The following FPR3 variants were observed in gnomAD, a reference collection of about 807,000 sequenced individuals.
FPR3 encodes N-formyl peptide receptor 3.
For synonymous variants in FPR3, 135 were observed against 163.6 expected (o/e 0.83, Z 1.34); for missense variants, 346 against 443.2 (o/e 0.78, Z 1.97).
At chr19:51,807,222 G>T (rs1941214383) in intron 1 of FPR3, among the ~76,000 whole-genome samples, 2 of 152,264 alleles carry the variant, frequency 1.3e-5, no homozygotes, top group South Asian at 2.1e-4. Flanking sequence ...GAAGTGGGGG[G>T]GGTGGTTGCT....
At chr19:51,805,964 T>G (rs540931290) in intron 1 of FPR3, among the ~76,000 whole-genome samples, 1 of 152,262 alleles carries the variant, frequency 6.6e-6, no homozygotes, top group East Asian at 1.9e-4. Flanking sequence ...AGATATTATG[T>G]GTTCGCAATG....
At chr19:51,808,067 T>C (rs1441934720) in intron 1 of FPR3, among the ~76,000 whole-genome samples, 2 of 152,240 alleles carry the variant, frequency 1.3e-5, no homozygotes, top group African/African-American at 4.8e-5. Flanking sequence ...ATGAGGCATG[T>C]CTCTGCTGTA....
intron 1 of FPR3, among the ~76,000 whole-genome samples, chr19:51,806,831 C>T (rs141792689): frequency 1.3e-5 from 2 of 152,312 alleles, no homozygotes; most frequent in South Asian, 2.1e-4. Flanking sequence ...CTGGGTCTAG[C>T]GTACTTTTAA....
chr19:51,819,948 A>C (rs1474118802), intron 1 of FPR3, among the ~76,000 whole-genome samples: 1 of 152,238 alleles, frequency 6.6e-6, no homozygotes, highest in Non-Finnish European at 1.5e-5. Flanking sequence ...GACGAGAGAC[A>C]GTGGGATGGA....
At chr19:51,811,717 A>C (rs1306921720) in intron 1 of FPR3, 3 of 152,248 alleles carry the variant, frequency 2.0e-5, no homozygotes, top group Admixed American at 2.0e-4. Context: ...GACAAGAGAC[A>C]AAAGAGTATC....
intron 1 of FPR3, chr19:51,817,696 C>T (rs978210412): frequency 1.3e-5 from 2 of 152,050 alleles, no homozygotes; most frequent in Non-Finnish European, 2.9e-5. Flanking sequence ...GAGGTGTTGT[C>T]TGATTCTAGA....
At position 51,825,847 on chromosome 19, in the gene FPR3, CAAGAG is replaced by C. The variant is rs1371305227; in HGVS notation, c.*1044_*1048del. On this transcript the variant is annotated 3_prime_UTR_variant, in exon 2 of 2. Transcript: ENST00000339223. ...ACTAAGTGGAAGTGGGAAAAGAGTACAAGAGAAGAGACAAAGTGGGGATATTTGTA... is the reference window on the plus strand; with the variant it reads ...ACTAAGTGGAAGTGGGAAAAGAGTACAAGAGACAAAGTGGGGATATTTGTA... 6.0e-6 allele frequency: 1 copy of C among 166,984 alleles called. No individual in the cohort carries two copies. Among genetic ancestry groups the C allele is most frequent in the Admixed American group, 6.5e-5 (1 of 15,288 alleles). The allele number at this position is 166,984 out of a possible 1,614,324, so 10.3% of individuals were successfully genotyped here.
At chr19:51,799,677 CT>C (rs747134338) in intron 1 of FPR3, among the ~76,000 whole-genome samples, 14 of 152,206 alleles carry the variant, frequency 9.2e-5, no homozygotes, top group Non-Finnish European at 1.8e-4. Flanking sequence ...CCGTGGACGG[CT>C]CTTTGAGGCT....
intron 1 of FPR3, among the ~76,000 whole-genome samples, 173 bp downstream of exon 1, chr19:51,795,504 C>CCTTTTTTTT (rs1568425575): frequency 5.4e-5 from 4 of 74,732 alleles, no homozygotes; most frequent in Admixed American, 1.6e-4. Flanking sequence ...CAGTAACATT[C>CCTTTTTTTT]TTTTTTTTTT....
Position 51,824,330 on chromosome 19 carries a change from C to T in FPR3, c.582C>T (p.Phe194=), listed in dbSNP as rs369584064. The change falls in exon 2 of 2, where the codon TTC becomes TTT. Residue 194 remains phenylalanine (F), a synonymous_variant. Transcript: ENST00000339223. This position sits in a 1 kb window ranked among gnomAD's most constrained non-coding sequence, Gnocchi z 4.7. ...GDTAVERLNV[F]ITMAKVFLIL... is the part of the protein sequence containing the mutation. ...CTGCTGTAGAGAGGTTGAACGTGTT[C>T]ATTACCATGGCCAAGGTCTTTCTGA... is the stretch of plus-strand genomic sequence containing the variant. The T allele has an allele frequency of 1.9e-6, 3 of 1,614,024 alleles. No individual in the cohort carries two copies. Among genetic ancestry groups the T allele is most frequent in the Non-Finnish European group, 2.5e-6 (3 of 1,180,014 alleles).
At chr19:51,800,489 G>A (rs1298341735) in intron 1 of FPR3, among the ~76,000 whole-genome samples, 1 of 152,234 alleles carries the variant, frequency 6.6e-6, no homozygotes, top group African/African-American at 2.4e-5. Flanking sequence ...GTGGAGCATG[G>A]CCCGTTGCCT....
intron 1 of FPR3, among the ~76,000 whole-genome samples, chr19:51,822,264 T>C (rs1485209784): frequency 6.6e-6 from 1 of 152,238 alleles, no homozygotes; most frequent in African/African-American, 2.4e-5. Flanking sequence ...AATTTAGTCA[T>C]GTTTCCACCA....
Position 51,824,758 on chromosome 19 carries a change from C to T in FPR3, c.1010C>T (p.Thr337Ile). 6.2e-7 allele frequency: 1 copy of T among 1,613,976 alleles called. No individual in the cohort carries two copies. The highest frequency in any genetic ancestry group is 8.5e-7 in the Non-Finnish European group (1 of 1,179,946). ...CCTGACTCAGCCCAGACCAGCAACA[C>T]AGACACCACTTCTGCTTCACCTCCT... ...EVPDSAQTSN[T>I]DTTSASPPEE... Residue 337 changes from threonine (T) to isoleucine (I), a missense_variant, in exon 2 of 2, where the codon ACA becomes ATA. Thr to Ile is a moderately conservative substitution (Grantham distance 89). Transcript: ENST00000339223. This position sits in a 1 kb window ranked among gnomAD's most constrained non-coding sequence, Gnocchi z 4.7.
rs111770224 is a variant in FPR3, at chr19:51,811,194, T to G, written c.-10-12545T>G. On this transcript the variant is annotated intron_variant, in intron 1 of 1. Coordinates refer to ENST00000339223, the MANE Select transcript of FPR3 (RefSeq NM_002030.5). ...AGAAGGATCAATTTTAAGACCTTTTTGATGAGCCCATTTTAATCCTTCTGC... is the reference window on the plus strand; with the variant it reads ...AGAAGGATCAATTTTAAGACCTTTTGGATGAGCCCATTTTAATCCTTCTGC... Among the ~76,000 whole-genome samples the G allele has an allele frequency of 5.3e-5, 8 of 152,328 alleles. No homozygotes were observed. In the South Asian group the frequency reaches 1.7e-3, roughly 32 times the overall value.
At position 51,826,023 on chromosome 19, in the gene FPR3, T is replaced by A. The variant is rs142943688; in HGVS notation, c.*1213T>A. The A allele has an allele frequency of 6.0e-5, 10 of 166,066 alleles. No individual in the cohort carries two copies. In the East Asian group the frequency reaches 1.7e-3, roughly 29 times the overall value. 10.3% of individuals were successfully genotyped at this position (166,066 alleles called of 1,614,324 possible). A position where few individuals can be genotyped will look rare whatever the true frequency, so the allele number is the denominator to read the frequency against. Reference sequence around the variant, plus strand: ...ATTCTTATTTGTTAAGAGTTTTCTTTTATTGTTTAAATCATGAATGAATGT... The same window carrying A: ...ATTCTTATTTGTTAAGAGTTTTCTTATATTGTTTAAATCATGAATGAATGT... On this transcript the variant is annotated 3_prime_UTR_variant, in exon 2 of 2. Coordinates refer to ENST00000339223, the MANE Select transcript of FPR3 (RefSeq NM_002030.5).
chr19:51,805,227 C>G (rs916721471), intron 1 of FPR3: 1 of 152,218 alleles, frequency 6.6e-6, no homozygotes, highest in East Asian at 1.9e-4. Flanking sequence ...TCTCATTCTC[C>G]GATTGGCGGT....
At chr19:51,795,862 T>C (rs1254881182) in intron 1 of FPR3, among the ~76,000 whole-genome samples, 3 of 152,138 alleles carry the variant, frequency 2.0e-5, no homozygotes, top group East Asian at 3.9e-4. Flanking sequence ...TAAAATAATT[T>C]CCCCAAAGGT....
chr19:51,810,937 G>C (rs534357239), intron 1 of FPR3, among the ~76,000 whole-genome samples: 6 of 152,172 alleles, frequency 3.9e-5, no homozygotes, highest in Non-Finnish European at 8.8e-5. Context: ...AAAATTCTTT[G>C]TATTGGGGTC....
intron 1 of FPR3, among the ~76,000 whole-genome samples, chr19:51,797,865 T>C (rs1389243114): frequency 1.4e-5 from 2 of 144,828 alleles, no homozygotes; most frequent in Non-Finnish European, 3.0e-5. Flanking sequence ...CTAGATGATT[T>C]CCATGTCTAT....
Sources: allele counts gnomAD v4.1 joint callset (sites outside exome capture counted in the v4.1 genomes callset), GRCh38; gene constraint gnomAD v4.1.1; non-coding constraint Gnocchi (gnomAD v3.1); transcripts MANE v1.5; gene names NCBI Gene and HGNC (gene_info 2026-07-23, HGNC 2026-07-21).